RPE: variants seen among roughly 807,000 people sequenced by gnomAD.
RPE encodes the protein ribulose-5-phosphate-3-epimerase.
Under a neutral mutation model 24.6 loss-of-function variants are expected in RPE, and 16 were observed. That is an observed-to-expected ratio of 0.65 (90% CI 0.44 to 0.99). RPE has a LOEUF of 0.99. RPE is among the 50% of genes least tolerant of loss of function. The pLI is 0.00. For missense variants in RPE, 240 were observed against 294.5 expected, an observed-to-expected ratio of 0.81 and a Z score of 1.35; for synonymous variants, 93 against 98.4, an observed-to-expected ratio of 0.94 and a Z score of 0.33.
intron 2 of RPE, among the ~76,000 whole-genome samples, chr2:210,012,051 G>A (rs2093707682): frequency 6.6e-6 from 1 of 152,096 alleles, no homozygotes; most frequent in Admixed American, 6.5e-5. Flanking sequence ...ATTGATACAT[G>A]AATGTATTCT....
Position 210,019,723 on chromosome 2 carries a change from A to G in RPE, c.619A>G (p.Arg207Gly). 6.2e-7 allele frequency: 1 copy of G among 1,613,618 alleles called. No homozygotes were observed. The highest frequency in any genetic ancestry group is 8.5e-7 in the Non-Finnish European group (1 of 1,179,610). The change falls in exon 6 of 6, where the codon AGA becomes GGA. Residue 207 changes from arginine to glycine, a missense_variant. Transcript: ENST00000359429. ...GSAIMRSEDP[R>G]SVINLLRNVC... ...TGCTATTATGAGGAGTGAAGACCCC[A>G]GATCTGTGATCAATCTATTAAGAAA...
intron 1 of RPE, among the ~76,000 whole-genome samples, chr2:210,007,638 C>T (rs188242370): frequency 1.5e-4 from 23 of 152,252 alleles, no homozygotes; most frequent in Non-Finnish European, 2.4e-4. Flanking sequence ...CATTTTCAGC[C>T]TTTGTTTCTT....
intron 1 of RPE, among the ~76,000 whole-genome samples, chr2:210,005,878 T>A (rs2093624440): frequency 6.6e-6 from 1 of 152,228 alleles, no homozygotes; most frequent in South Asian, 2.1e-4. Context: ...ATAGCAACTC[T>A]AATCCTCCTC....
At chr2:210,009,157 C>G (rs944592446) in intron 1 of RPE, among the ~76,000 whole-genome samples, 4 of 152,162 alleles carry the variant, frequency 2.6e-5, no homozygotes, top group African/African-American at 9.7e-5. Context: ...GTAGTAAACC[C>G]TCGGTGAAAG....
chr2:210,009,404 G>T (rs2093672331), intron 1 of RPE, among the ~76,000 whole-genome samples: 1 of 152,124 alleles, frequency 6.6e-6, no homozygotes, highest in African/African-American at 2.4e-5. Flanking sequence ...ATTTCTACTT[G>T]TCATGGGTCG....
rs1368190428 is a variant in RPE, at chr2:210,019,695, C to T, written c.591C>T (p.Gly197=). The T allele has an allele frequency of 1.2e-6, 2 of 1,613,040 alleles. No individual in the cohort carries two copies. The highest frequency in any genetic ancestry group is 2.2e-5 in the East Asian group (1 of 44,856). Residue 197 remains glycine (G), a synonymous_variant, in exon 6 of 6, where the codon GGC becomes GGT. Transcript: ENST00000359429. The stretch of plus-strand genomic sequence containing the variant: ...CAGGAGCTAACATGATTGTGTCTGG[C>T]AGTGCTATTATGAGGAGTGAAGACC... The part of the protein sequence containing the change: ...AEAGANMIVS[G]SAIMRSEDPR...
chr2:210,009,613 C>G, intron 1 of RPE, 44 bp from the exon 2 acceptor site: 6 of 1,611,624 alleles, frequency 3.7e-6, no homozygotes, highest in Non-Finnish European at 5.1e-6. Flanking sequence ...GATACAGAAA[C>G]TGAATTGAAA....
At chr2:210,002,875 T>G in intron 1 of RPE, 92 bp downstream of exon 1, 1 of 1,602,662 alleles carries the variant, frequency 6.2e-7, no homozygotes, top group Admixed American at 1.7e-5. Context: ...CGCGTCCCTG[T>G]ACCACCGAGC....
At chr2:210,013,758 A>G (rs1341642220) in intron 2 of RPE, among the ~76,000 whole-genome samples, 1 of 152,144 alleles carries the variant, frequency 6.6e-6, no homozygotes, top group Non-Finnish European at 1.5e-5. Context: ...TGGCCTCCCA[A>G]AGTGCCAGGA....
chr2:210,007,159 A>G (rs753840932), intron 1 of RPE, among the ~76,000 whole-genome samples: 26 of 152,154 alleles, frequency 1.7e-4, no homozygotes, highest in Non-Finnish European at 2.4e-4. Context: ...CCTACCTCAT[A>G]GGGTTGTTGT....
At chr2:210,016,741 A>G in intron 4 of RPE, 100 bp downstream of exon 4, 3 of 1,522,538 alleles carry the variant, frequency 2.0e-6, no homozygotes, top group Non-Finnish European at 2.7e-6. Flanking sequence ...CCTGTTCTGA[A>G]GGTGAGGAGA....
intron 5 of RPE, chr2:210,017,936 G>C (rs1307029249): frequency 1.8e-6 from 1 of 550,796 alleles, no homozygotes; most frequent in African/African-American, 1.9e-5. Flanking sequence ...GTAGAGACAG[G>C]GTTTCACTAT....
rs2093837554 is a variant in RPE, at chr2:210,020,042, T to C, written c.*251T>C. 9.7e-6 allele frequency: 3 copies of C among 308,046 alleles called. No homozygotes were observed. In the South Asian group the frequency reaches 2.4e-4, roughly 25 times the overall value. The allele number at this position is 308,046 out of a possible 1,614,324, so 19.1% of individuals were successfully genotyped here. A position where few individuals can be genotyped will look rare whatever the true frequency, so the allele number is the denominator to read the frequency against. ...TTTTTATTGAGAGATTTGATTTTTA[T>C]AAAGTAAAAATACGGCTGCATTAGG... On this transcript the variant is annotated 3_prime_UTR_variant, in exon 6 of 6. Coordinates refer to ENST00000359429, the MANE Select transcript of RPE (RefSeq NM_199229.3).
chr2:210,007,713 T>G (rs549129548), intron 1 of RPE, among the ~76,000 whole-genome samples: 2 of 152,384 alleles, frequency 1.3e-5, no homozygotes, highest in East Asian at 3.9e-4. Context: ...TCTCTAATAC[T>G]TGCTCTTATT....
At chr2:210,018,109 GC>G (rs1369087586) in intron 5 of RPE, 2 of 1,491,864 alleles carry the variant, frequency 1.3e-6, no homozygotes, top group African/African-American at 1.4e-5. Context: ...TCTCAGGAAG[GC>G]TGAAGAAAGT....
intron 1 of RPE, among the ~76,000 whole-genome samples, chr2:210,009,094 A>C (rs1559476688): frequency 6.6e-6 from 1 of 152,226 alleles, no homozygotes; most frequent in Non-Finnish European, 1.5e-5. Flanking sequence ...AATAGCATCT[A>C]CTTTGTAAGG....
chr2:210,018,136 A>T, intron 5 of RPE: 1 of 1,519,474 alleles, frequency 6.6e-7, no homozygotes, highest in East Asian at 2.4e-5. Flanking sequence ...TTTATAAAAG[A>T]ATATGTTGAA....
chr2:210,010,425 AT>A (rs1324795925), intron 2 of RPE, among the ~76,000 whole-genome samples: 1 of 151,974 alleles, frequency 6.6e-6, no homozygotes, highest in Non-Finnish European at 1.5e-5. Context: ...AGTGTTATTT[AT>A]TTTTTTCTTT....
chr2:210,015,028 A>G (rs549121420), intron 2 of RPE, among the ~76,000 whole-genome samples: 1 of 152,190 alleles, frequency 6.6e-6, no homozygotes, highest in Non-Finnish European at 1.5e-5. Context: ...TAGAATTAGG[A>G]TGAATATCAG....
Sources: allele counts gnomAD v4.1 joint callset (sites outside exome capture counted in the v4.1 genomes callset), GRCh38; gene constraint gnomAD v4.1.1; transcripts MANE v1.5; gene names NCBI Gene and HGNC (gene_info 2026-07-23, HGNC 2026-07-21).